Variants in ADGRB3 observed in about 807,000 individuals in gnomAD.
ADGRB3 encodes brain-specific angiogenesis inhibitor 3.
In ADGRB3, 37 loss-of-function variants were observed where a neutral mutation model predicts 193.4. The ratio of observed to expected loss-of-function variants is 0.19; its 90% CI spans 0.15 to 0.25. ADGRB3 has a LOEUF of 0.25. Ranked by LOEUF, ADGRB3 falls within the 10% of genes least tolerant of loss-of-function variation. The pLI, the probability that ADGRB3 is intolerant of heterozygous loss-of-function variation, is 1.00. For synonymous variants in ADGRB3, 690 were observed against 644.2 expected, an observed-to-expected ratio of 1.07 and a Z score of -1.08; for missense variants, 1,637 against 1,852.9, an observed-to-expected ratio of 0.88 and a Z score of 2.14.
chr6:69,079,698 C>CTACTCTAAATTTGGATTTTGAGT (rs1772332592), intron 17 of ADGRB3, among the ~76,000 whole-genome samples: 1 of 151,994 alleles, frequency 6.6e-6, no homozygotes, highest in African/African-American at 2.4e-5. Flanking sequence ...ATTCTTTGAG[C>CTACTCTAAATTTGGATTTTGAGT]TACTCTAAAT....
rs1283979266 is a variant in ADGRB3, at chr6:68,639,233, A to G, written c.558A>G (p.Thr186=). Residue 186 remains threonine (T), a synonymous_variant, in exon 3 of 32, where the codon ACA becomes ACG. Coordinates refer to ENST00000370598, the MANE Select transcript of ADGRB3 (RefSeq NM_001704.3). ...ESCLKSENGR[T]ESCGIMYTKC... is the part of the protein sequence containing the mutation. ...GCTTAAAATCAGAAAATGGGAGAAC[A>G]GAATCATGTGGGATCATGTATACAA... 1 of 1,614,186 alleles carries G rather than the reference A, an allele frequency of 6.2e-7. No individual in the cohort carries two copies. The highest frequency in any genetic ancestry group is 1.3e-5 in the African/African-American group (1 of 75,064).
At chr6:68,739,916 A>G (rs887523189) in intron 3 of ADGRB3, among the ~76,000 whole-genome samples, 9 of 152,092 alleles carry the variant, frequency 5.9e-5, no homozygotes, top group Admixed American at 3.9e-4. Context: ...TTTGTGTACT[A>G]TTAGTATCGA....
intron 3 of ADGRB3, among the ~76,000 whole-genome samples, chr6:68,730,173 T>C (rs1342398964): frequency 6.6e-6 from 1 of 151,656 alleles, no homozygotes; most frequent in Admixed American, 6.6e-5. Flanking sequence ...TTTAGTTAAA[T>C]GTACAGTAAA....
At chr6:69,075,461 TA>T (rs1772201041) in intron 16 of ADGRB3, among the ~76,000 whole-genome samples, 1 of 152,198 alleles carries the variant, frequency 6.6e-6, no homozygotes. Flanking sequence ...CATTAGACAT[TA>T]TCCTATACAA....
intron 26 of ADGRB3, among the ~76,000 whole-genome samples, chr6:69,346,798 C>T (rs767976665): frequency 9.2e-5 from 14 of 152,110 alleles, no homozygotes; most frequent in Non-Finnish European, 1.8e-4. Context: ...AGTGTGATGA[C>T]TCCTCAAGGA....
chr6:69,180,017 C>A (rs999322312), intron 17 of ADGRB3, among the ~76,000 whole-genome samples: 1 of 152,186 alleles, frequency 6.6e-6, no homozygotes, highest in East Asian at 1.9e-4. Context: ...CTGCAGGTCC[C>A]CCAGTGGCAG....
At chr6:69,004,713 C>A (rs1769695131) in intron 11 of ADGRB3, among the ~76,000 whole-genome samples, 1 of 152,106 alleles carries the variant, frequency 6.6e-6, no homozygotes, top group Non-Finnish European at 1.5e-5. Context: ...TTCACTCTTT[C>A]TAACTTAATT....
intron 3 of ADGRB3, among the ~76,000 whole-genome samples, chr6:68,753,089 CAAG>C (rs1766232668): frequency 6.6e-6 from 1 of 152,090 alleles, no homozygotes; most frequent in Admixed American, 6.6e-5. Context: ...CCATCAAAAA[CAAG>C]AAGAGCTGCT....
chr6:69,197,761 A>AT (rs1421769004), intron 17 of ADGRB3, among the ~76,000 whole-genome samples: 1 of 152,072 alleles, frequency 6.6e-6, no homozygotes, highest in Non-Finnish European at 1.5e-5. Context: ...GGTAAGTATA[A>AT]TATCAAGCAA....
intron 3 of ADGRB3, among the ~76,000 whole-genome samples, chr6:68,835,223 G>T (rs891764904): frequency 2.0e-5 from 3 of 152,122 alleles, no homozygotes; most frequent in African/African-American, 7.2e-5. Flanking sequence ...CTGCATTCTG[G>T]TGGGGAGGCT....
chr6:69,271,693 C>T (rs1028178445), intron 20 of ADGRB3, among the ~76,000 whole-genome samples: 3 of 152,050 alleles, frequency 2.0e-5, no homozygotes, highest in African/African-American at 7.2e-5. Context: ...CTCTTTGTCT[C>T]TTTCTCCCTC....
chr6:68,957,011 G>T (rs1768095596), intron 8 of ADGRB3, among the ~76,000 whole-genome samples: 1 of 152,122 alleles, frequency 6.6e-6, no homozygotes, highest in Non-Finnish European at 1.5e-5. Flanking sequence ...ATATTTGTTT[G>T]TGGAGATTAC....
Position 68,648,557 on chromosome 6 carries a change from G to A in ADGRB3, c.757+9125G>A, listed in dbSNP as rs866575059. Among the ~76,000 whole-genome samples, 7 of 149,300 alleles carry A rather than the reference G, an allele frequency of 4.7e-5. No individual in the cohort carries two copies. In the South Asian group the frequency reaches 1.5e-3, roughly 32 times the overall value. On this transcript the variant is annotated intron_variant, in intron 3 of 31. Transcript: ENST00000370598. ...TCCAGATTGCAATATTTAGGATGTA[G>A]CAAATGTACTCAGACGTTAATGCTT...
At chr6:69,169,898 G>A (rs1455527735) in intron 17 of ADGRB3, among the ~76,000 whole-genome samples, 1 of 151,990 alleles carries the variant, frequency 6.6e-6, no homozygotes, top group Non-Finnish European at 1.5e-5. Context: ...TAACAGCTTT[G>A]AGGTCCTTGG....
At chr6:69,052,380 A>T (rs1771424313) in intron 15 of ADGRB3, among the ~76,000 whole-genome samples, 1 of 152,214 alleles carries the variant, frequency 6.6e-6, no homozygotes, top group Non-Finnish European at 1.5e-5. Context: ...AAAAAGTACA[A>T]ATTCATTCTA....
chr6:68,691,885 A>C (rs1582127104), intron 3 of ADGRB3, among the ~76,000 whole-genome samples: 1 of 151,506 alleles, frequency 6.6e-6, no homozygotes, highest in Non-Finnish European at 1.5e-5. Context: ...CGAGATACTT[A>C]ATATATAGCC....
intron 3 of ADGRB3, among the ~76,000 whole-genome samples, chr6:68,652,148 T>C (rs1294345526): frequency 6.6e-6 from 1 of 152,130 alleles, no homozygotes; most frequent in East Asian, 1.9e-4. Flanking sequence ...GCTTCTCAGG[T>C]ATCTTCAATG....
At chr6:69,359,408 C>T (rs552149505) in intron 28 of ADGRB3, among the ~76,000 whole-genome samples, 2 of 151,168 alleles carry the variant, frequency 1.3e-5, no homozygotes, top group Admixed American at 1.3e-4. Context: ...ATGTATAACA[C>T]TTAATTACAT....
chr6:69,005,308 T>C (rs1303792167), intron 11 of ADGRB3, among the ~76,000 whole-genome samples: 1 of 151,484 alleles, frequency 6.6e-6, no homozygotes, highest in Non-Finnish European at 1.5e-5. Context: ...ACAGCAGAAT[T>C]ACTCTGTTGC....
Sources: gnomAD v4.1 joint callset for allele counts (sites outside exome capture counted in the v4.1 genomes callset) on GRCh38, gnomAD v4.1.1 for gene constraint, MANE v1.5 for transcripts, NCBI Gene and HGNC (gene_info 2026-07-23, HGNC 2026-07-21) for gene names.